FGD3: variants seen among roughly 807,000 people sequenced by gnomAD.
FGD3 encodes the protein FYVE, RhoGEF and PH domain-containing protein 3.
FGD3 carries 45 observed loss-of-function variants against 71.8 expected under a neutral mutation model. That is an observed-to-expected ratio of 0.63 (90% CI 0.49 to 0.80). FGD3 has a LOEUF of 0.80. Among genes scored for constraint, FGD3 ranks in the 30% least tolerant of loss-of-function variants. The pLI, the probability that FGD3 is intolerant of heterozygous loss-of-function variation, is 0.00. For synonymous variants in FGD3, 378 were observed against 392.8 expected (o/e 0.96, Z 0.44); for missense variants, 844 against 951.5 (o/e 0.89, Z 1.49).
chr9:92,998,202 A>G (rs1349177266), intron 3 of FGD3, among the ~76,000 whole-genome samples: 1 of 151,918 alleles, frequency 6.6e-6, no homozygotes, highest in Non-Finnish European at 1.5e-5. Flanking sequence ...TTCTCTTCTC[A>G]CTTCATTTCA....
intron 3 of FGD3, among the ~76,000 whole-genome samples, chr9:92,982,209 CT>C (rs1456347360): frequency 6.6e-6 from 1 of 152,152 alleles, no homozygotes; most frequent in East Asian, 1.9e-4. Context: ...CTTTTTTTAG[CT>C]TCCATGTATG....
intron 14 of FGD3, among the ~76,000 whole-genome samples, chr9:93,028,421 C>T (rs1394631839): frequency 6.6e-6 from 1 of 151,790 alleles, no homozygotes; most frequent in African/African-American, 2.4e-5. Flanking sequence ...TTTCTAGTGG[C>T]AGTTCCAGCT....
At chr9:93,028,185 G>A (rs949135711) in intron 14 of FGD3, among the ~76,000 whole-genome samples, 4 of 141,058 alleles carry the variant, frequency 2.8e-5, no homozygotes, top group African/African-American at 1.1e-4. Flanking sequence ...TGGCCCCTCA[G>A]CCCCTAGCCC....
At chr9:93,029,037 T>G (rs1158225608) in intron 14 of FGD3, among the ~76,000 whole-genome samples, 3 of 102,810 alleles carry the variant, frequency 2.9e-5, no homozygotes, top group East Asian at 2.8e-4. Context: ...TTTTTTTTTT[T>G]GAGACAGAAT....
In FGD3 at chr9:93,029,933, G is replaced by A; in HGVS notation, c.1617G>A (p.Lys539=). 2 of 1,613,656 alleles carry A rather than the reference G, an allele frequency of 1.2e-6. No individual in the cohort carries two copies. Among genetic ancestry groups the A allele is most frequent in the African/African-American group, 1.3e-5 (1 of 75,042 alleles). Residue 539 remains lysine (K), a synonymous_variant, in exon 15 of 18, where the codon AAG becomes AAA. Transcript: ENST00000375482. The part of the protein sequence containing the change: ...TRRDKEKQSC[K]SCGETFNSIT... ...GTGACAAGGAGAAGCAGAGCTGTAA[G>A]AGCTGTGGTGAGACCTTCAACTCCA...
intron 1 of FGD3, chr9:92,964,339 G>A (rs999672375): frequency 1.3e-5 from 2 of 152,216 alleles, no homozygotes; most frequent in African/African-American, 4.8e-5. Context: ...AAACTCGCTC[G>A]CCTTCAGAAG....
chr9:93,018,032 C>A (rs1861769659), intron 10 of FGD3, 104 bp from the exon 11 acceptor site: 1 of 1,097,262 alleles, frequency 9.1e-7, no homozygotes, highest in Non-Finnish European at 1.4e-6. Flanking sequence ...TGCAGGCTCA[C>A]CTCTGTTACC....
intron 8 of FGD3, among the ~76,000 whole-genome samples, chr9:93,012,228 T>C (rs1267625103): frequency 6.6e-6 from 1 of 152,014 alleles, no homozygotes; most frequent in African/African-American, 2.4e-5. Flanking sequence ...TAAGTATCCA[T>C]TATGTTCCAG....
At chr9:92,955,476 A>G (rs1859034571) in intron 1 of FGD3, among the ~76,000 whole-genome samples, 1 of 152,200 alleles carries the variant, frequency 6.6e-6, no homozygotes, top group Non-Finnish European at 1.5e-5. Context: ...CCCTCTCAAA[A>G]ATAAAAATAA....
chr9:92,988,438 T>C (rs1860272125), intron 3 of FGD3, among the ~76,000 whole-genome samples: 1 of 152,202 alleles, frequency 6.6e-6, no homozygotes, highest in East Asian at 1.9e-4. Context: ...GACCCTTTCT[T>C]ATCTGCCTCC....
chr9:92,965,642 G>A (rs994879948), intron 1 of FGD3, among the ~76,000 whole-genome samples: 3 of 152,242 alleles, frequency 2.0e-5, no homozygotes, highest in African/African-American at 4.8e-5. Flanking sequence ...GCCTGCAGCC[G>A]TGTTGTACAG....
At chr9:92,951,600 C>T (rs1858955589) in intron 1 of FGD3, among the ~76,000 whole-genome samples, 1 of 152,216 alleles carries the variant, frequency 6.6e-6, no homozygotes, top group Non-Finnish European at 1.5e-5. Context: ...TGCTTGAACC[C>T]AGAGGTTGAG....
intron 3 of FGD3, among the ~76,000 whole-genome samples, chr9:92,995,827 A>G (rs1860619202): frequency 6.6e-6 from 1 of 152,182 alleles, no homozygotes; most frequent in Non-Finnish European, 1.5e-5. Context: ...GATGAGGCCA[A>G]CTTGATGGTG....
intron 14 of FGD3, among the ~76,000 whole-genome samples, chr9:93,028,902 T>G (rs1325815214): frequency 7.0e-6 from 1 of 142,652 alleles, no homozygotes. Flanking sequence ...CACACCACCC[T>G]CCTCTGTAGG....
chr9:93,034,214 G>A (rs1300281049), intron 16 of FGD3: 6 of 275,274 alleles, frequency 2.2e-5, no homozygotes, highest in Non-Finnish European at 4.1e-5. Context: ...TGACACGCTT[G>A]AAGTCCCTGT....
At chr9:92,985,403 T>C (rs1860152329) in intron 3 of FGD3, among the ~76,000 whole-genome samples, 1 of 152,256 alleles carries the variant, frequency 6.6e-6, no homozygotes, top group African/African-American at 2.4e-5. Context: ...GGCTGACTTT[T>C]GTTATTTCTT....
At chr9:93,022,461 G>T in intron 14 of FGD3, 72 bp downstream of exon 14, 1 of 1,527,998 alleles carries the variant, frequency 6.5e-7, no homozygotes, top group South Asian at 1.1e-5. Context: ...ATGACCTATA[G>T]GGAAGATGGA....
chr9:93,012,691 G>T (rs932848595), intron 8 of FGD3, among the ~76,000 whole-genome samples: 1 of 98,020 alleles, frequency 1.0e-5, no homozygotes. Flanking sequence ...CGGTGGCGGG[G>T]TGTGGGGGGG....
intron 1 of FGD3, among the ~76,000 whole-genome samples, chr9:92,973,740 G>A (rs1262376712): frequency 2.0e-5 from 3 of 152,184 alleles, no homozygotes; most frequent in Admixed American, 6.5e-5. Context: ...GTCCTCACAG[G>A]TGGTTCTTTC....
Sources: allele counts gnomAD v4.1 joint callset (sites outside exome capture counted in the v4.1 genomes callset), GRCh38; gene constraint gnomAD v4.1.1; transcripts MANE v1.5; gene names NCBI Gene and HGNC (gene_info 2026-07-23, HGNC 2026-07-21).